NCOA3: variants seen among roughly 807,000 people sequenced by gnomAD.
The protein encoded by NCOA3 is nuclear receptor coactivator 3.
In NCOA3, 51 loss-of-function variants were observed where a neutral mutation model predicts 158.8. That is an observed-to-expected ratio of 0.32 (90% CI 0.26 to 0.41). The LOEUF (loss-of-function observed/expected upper bound fraction) is 0.41, where lower values mean the gene tolerates loss of function less well. Ranked by LOEUF, NCOA3 falls within the 10% of genes least tolerant of loss-of-function variation. NCOA3 has a pLI of 1.00. For missense variants in NCOA3, 1,510 were observed against 1,746.6 expected (o/e 0.86, Z 2.41); for synonymous variants, 537 against 592.4 (o/e 0.91, Z 1.36).
chr20:47,645,959 G>T (rs2086679471), intron 17 of NCOA3, among the ~76,000 whole-genome samples: 1 of 152,172 alleles, frequency 6.6e-6, no homozygotes, highest in African/African-American at 2.4e-5. Context: ...GTTTACTCTT[G>T]GAAAGGGAGA....
chr20:47,526,495 C>A (rs942167404), intron 1 of NCOA3, among the ~76,000 whole-genome samples: 6 of 152,218 alleles, frequency 3.9e-5, no homozygotes, highest in African/African-American at 4.8e-5. Flanking sequence ...GAACGAGACT[C>A]CGTCTGCAAT....
At chr20:47,628,096 G>A (rs2086352332) in intron 8 of NCOA3, 73 bp downstream of exon 8, 1 of 1,090,754 alleles carries the variant, frequency 9.2e-7, no homozygotes, top group Admixed American at 1.9e-5. Context: ...TTTTGTAAAT[G>A]TTACTATTTT....
At chr20:47,614,113 A>G (rs1380939572) in intron 2 of NCOA3, among the ~76,000 whole-genome samples, 1 of 151,878 alleles carries the variant, frequency 6.6e-6, no homozygotes, top group Admixed American at 6.6e-5. Context: ...TACACACGTT[A>G]TATTTGTCTT....
chr20:47,593,644 A>G (rs1490239660), intron 2 of NCOA3, among the ~76,000 whole-genome samples: 2 of 152,068 alleles, frequency 1.3e-5, no homozygotes, highest in East Asian at 3.9e-4. Flanking sequence ...CGCCTGGCCA[A>G]GTTGATGGAT....
At chr20:47,558,175 C>T (rs1192154596) in intron 1 of NCOA3, among the ~76,000 whole-genome samples, 3 of 150,030 alleles carry the variant, frequency 2.0e-5, no homozygotes, top group Non-Finnish European at 4.4e-5. Flanking sequence ...TCTCCTGCCT[C>T]AGCCTCCCGA....
chr20:47,550,829 A>G (rs1474999494), intron 1 of NCOA3, among the ~76,000 whole-genome samples: 1 of 152,178 alleles, frequency 6.6e-6, no homozygotes, highest in Non-Finnish European at 1.5e-5. Context: ...ATTGTAGCGA[A>G]CAGATTCACT....
At chr20:47,575,859 G>A (rs886971134) in intron 1 of NCOA3, among the ~76,000 whole-genome samples, 3 of 152,196 alleles carry the variant, frequency 2.0e-5, no homozygotes, top group African/African-American at 7.2e-5. Flanking sequence ...AGTTAATACA[G>A]CGATTTCACT....
chr20:47,542,324 G>A (rs558503534), intron 1 of NCOA3, among the ~76,000 whole-genome samples: 2 of 151,994 alleles, frequency 1.3e-5, no homozygotes, highest in East Asian at 1.9e-4. Flanking sequence ...ACAGGCACAA[G>A]TAACCGTGCC....
rs550829977 is a variant in NCOA3 at position 47,624,421 on chromosome 20, C to T, written c.256+338C>T. Among the ~76,000 whole-genome samples, 6 of 152,250 alleles carry T rather than the reference C, an allele frequency of 3.9e-5. No individual in the cohort carries two copies. In the South Asian group the frequency reaches 8.3e-4, roughly 21 times the overall value. ...TAAGGAGCACACAACCTAGATTCCT[C>T]GCATGTGGAGTTCACATTAAGATTT... On this transcript the variant is annotated intron_variant, in intron 4 of 22. Transcript: ENST00000371998.
At chr20:47,642,509 A>G (rs2086627441) in intron 17 of NCOA3, 125 bp downstream of exon 17, 2 of 532,152 alleles carry the variant, frequency 3.8e-6, no homozygotes, top group South Asian at 7.7e-5. Flanking sequence ...ATATCACTAC[A>G]TTCATGGATA....
chr20:47,629,505 AT>A (rs1422578056), intron 8 of NCOA3, among the ~76,000 whole-genome samples: 1 of 151,900 alleles, frequency 6.6e-6, no homozygotes, highest in Admixed American at 6.6e-5. Flanking sequence ...AATTTTTTAC[AT>A]TTTTAGTAGA....
At chr20:47,517,682 C>T (rs1486460178) in intron 1 of NCOA3, among the ~76,000 whole-genome samples, 1 of 152,066 alleles carries the variant, frequency 6.6e-6, no homozygotes, top group African/African-American at 2.4e-5. Context: ...AACTCCTAAC[C>T]TCAGGTGATC....
rs761293870 is a variant in NCOA3, at chr20:47,635,444, C to T, written c.1235C>T (p.Pro412Leu). The T allele has an allele frequency of 1.2e-5, 20 of 1,614,002 alleles. No individual in the cohort carries two copies. Among genetic ancestry groups the T allele is most frequent in the African/African-American group, 2.7e-5 (2 of 74,890 alleles). Residue 412 changes from proline (P) to leucine (L), a missense_variant, in exon 11 of 23, where the codon CCG becomes CTG. Around this residue, in one of 4 missense-constraint regions of NCOA3, gnomAD observed 1,017 missense variants for 1,098.3 expected, o/e 0.93. Transcript: ENST00000371998. The stretch of plus-strand genomic sequence containing the variant: ...TCGCCAAACCAAGGCTTACAGATGC[C>T]GAGCAGCAGGGCCTATGGCTTGGCA... ...SMSPNQGLQM[P>L]SSRAYGLADP... is the part of the protein sequence containing the mutation.
chr20:47,503,838 A>G (rs1265833772), intron 1 of NCOA3, among the ~76,000 whole-genome samples: 2 of 152,170 alleles, frequency 1.3e-5, no homozygotes, highest in African/African-American at 4.8e-5. Context: ...AGGTTGCTTC[A>G]GGTTCTGCAT....
chr20:47,591,938 A>C (rs2085648654), intron 2 of NCOA3, among the ~76,000 whole-genome samples: 1 of 152,134 alleles, frequency 6.6e-6, no homozygotes, highest in Non-Finnish European at 1.5e-5. Context: ...TTGTGTTTTC[A>C]TCAAATATGG....
intron 5 of NCOA3, 27 bp downstream of exon 5, chr20:47,625,508 G>A: frequency 1.4e-6 from 2 of 1,459,904 alleles, no homozygotes; most frequent in Non-Finnish European, 1.9e-6. Context: ...TAACTGTCCA[G>A]TAGGCTGTAT....
At chr20:47,603,692 C>T (rs978198164) in intron 2 of NCOA3, among the ~76,000 whole-genome samples, 5 of 152,152 alleles carry the variant, frequency 3.3e-5, no homozygotes. Flanking sequence ...AAATGATCTT[C>T]CCCTGGAATT....
intron 1 of NCOA3, among the ~76,000 whole-genome samples, chr20:47,507,573 T>A (rs1389953703): frequency 2.6e-5 from 4 of 152,124 alleles, no homozygotes; most frequent in Admixed American, 6.6e-5. Context: ...TATATATTTT[T>A]AAATTTAACC....
At chr20:47,520,865 C>T (rs111592233) in intron 1 of NCOA3, among the ~76,000 whole-genome samples, 14 of 152,336 alleles carry the variant, frequency 9.2e-5, no homozygotes, top group East Asian at 3.9e-4. Context: ...ATAAATCCCA[C>T]GGCAGGATCT....
Sources: allele counts gnomAD v4.1 joint callset (sites outside exome capture counted in the v4.1 genomes callset), GRCh38; gene constraint gnomAD v4.1.1; regional missense constraint gnomAD v4.1.1; transcripts MANE v1.5; gene names NCBI Gene and HGNC (gene_info 2026-07-23, HGNC 2026-07-21).